The following CATSPERT variants were observed in gnomAD, a reference collection of about 807,000 sequenced individuals.
The protein encoded by CATSPERT is catsper channel auxiliary subunit tau, also known as cation channel sperm-associated targeting subunit tau.
the CATSPERT span, among the ~76,000 whole-genome samples, chr2:201,585,911 AG>A: frequency 6.6e-5 from 10 of 152,238 alleles, no homozygotes; most frequent in East Asian, 1.5e-3. Flanking sequence ...TTTCAATAAA[AG>A]TTAGACCCAA....
the CATSPERT span, among the ~76,000 whole-genome samples, chr2:201,570,422 T>A: frequency 1.3e-5 from 2 of 151,964 alleles, no homozygotes; most frequent in Non-Finnish European, 2.9e-5. Flanking sequence ...CCTACAATGA[T>A]GATGATGGTA....
chr2:201,570,037 C>A, the CATSPERT span, among the ~76,000 whole-genome samples: 2 of 151,942 alleles, frequency 1.3e-5, no homozygotes, highest in Admixed American at 1.3e-4. Context: ...CAAAAATTAG[C>A]CAAACGTGGT....
At chr2:201,560,031 G>A in the CATSPERT span, among the ~76,000 whole-genome samples, 1 of 152,014 alleles carries the variant, frequency 6.6e-6, no homozygotes, top group Non-Finnish European at 1.5e-5. Flanking sequence ...AATTAAATCA[G>A]GAAAACAATT....
At chr2:201,525,892 A>C in the CATSPERT span, among the ~76,000 whole-genome samples, 1 of 152,168 alleles carries the variant, frequency 6.6e-6, no homozygotes, top group African/African-American at 2.4e-5. Flanking sequence ...TCCTGGATAC[A>C]TACAACCTCC....
the CATSPERT span, among the ~76,000 whole-genome samples, chr2:201,538,600 G>A: frequency 6.6e-6 from 1 of 151,904 alleles, no homozygotes; most frequent in Non-Finnish European, 1.5e-5. Flanking sequence ...AGTGATCTTT[G>A]ATGTTACTAT....
chr2:201,595,613 T>C, the CATSPERT span, among the ~76,000 whole-genome samples: 2 of 151,784 alleles, frequency 1.3e-5, no homozygotes, highest in African/African-American at 4.8e-5. Context: ...GGGTCAGGGG[T>C]CAGGGACCCA....
the CATSPERT span, among the ~76,000 whole-genome samples, chr2:201,585,397 T>A: frequency 1.6e-5 from 2 of 124,142 alleles, no homozygotes; most frequent in Admixed American, 8.3e-5. Context: ...AAAAATTCCC[T>A]ACAGAACAAG....
the CATSPERT span, among the ~76,000 whole-genome samples, chr2:201,594,769 A>G: frequency 2.0e-5 from 3 of 152,106 alleles, 1 homozygote; most frequent in Admixed American, 6.5e-5. Context: ...AGTTGATCGC[A>G]TCGGCTCCTG....
chr2:201,548,012 G>T, the CATSPERT span, among the ~76,000 whole-genome samples: 5 of 151,994 alleles, frequency 3.3e-5, no homozygotes, highest in African/African-American at 4.8e-5. Context: ...AGTTTGAGCT[G>T]CTGTAACAGA....
the CATSPERT span, among the ~76,000 whole-genome samples, chr2:201,563,427 C>T: frequency 1.6e-5 from 1 of 61,840 alleles, no homozygotes; most frequent in Admixed American, 2.0e-4. Context: ...CTGACCCCCT[C>T]ACCTCCCTCC....
chr2:201,608,221 C>T, the CATSPERT span, among the ~76,000 whole-genome samples: 3 of 152,190 alleles, frequency 2.0e-5, no homozygotes, highest in East Asian at 5.8e-4. Context: ...AATCATAGCT[C>T]GTTGTAGCCT....
the CATSPERT span, among the ~76,000 whole-genome samples, chr2:201,609,067 A>G: frequency 6.6e-6 from 1 of 152,112 alleles, no homozygotes; most frequent in African/African-American, 2.4e-5. Context: ...AAAGTAAAAA[A>G]CAGTAAAGAG....
At chr2:201,569,661 A>G in the CATSPERT span, among the ~76,000 whole-genome samples, 1 of 152,168 alleles carries the variant, frequency 6.6e-6, no homozygotes, top group Non-Finnish European at 1.5e-5. Flanking sequence ...TCTCATAGTC[A>G]TGGTAAAACG....
chr2:201,568,926 C>A, the CATSPERT span, among the ~76,000 whole-genome samples: 8 of 152,168 alleles, frequency 5.3e-5, no homozygotes, highest in Non-Finnish European at 7.3e-5. Context: ...ACCCACAGAG[C>A]CAACTGTGAG....
the CATSPERT span, among the ~76,000 whole-genome samples, chr2:201,545,253 G>A: frequency 6.6e-6 from 1 of 151,820 alleles, no homozygotes; most frequent in Non-Finnish European, 1.5e-5. Context: ...TGGCCAGGCT[G>A]GTCTTGAACT....
chr2:201,545,546 C>G, the CATSPERT span: 1 of 1,488,634 alleles, frequency 6.7e-7, no homozygotes, highest in Non-Finnish European at 9.0e-7. Context: ...TTCTTACCTA[C>G]TCCTACAATA....
the CATSPERT span, among the ~76,000 whole-genome samples, chr2:201,581,153 C>T: frequency 6.6e-6 from 1 of 151,826 alleles, no homozygotes; most frequent in Non-Finnish European, 1.5e-5. Context: ...GGCCTGTAAT[C>T]CCAACACTTT....
At chr2:201,601,117 A>AGTGCCG in the CATSPERT span, among the ~76,000 whole-genome samples, 1 of 152,138 alleles carries the variant, frequency 6.6e-6, no homozygotes, top group South Asian at 2.1e-4. Context: ...AAACATAGTA[A>AGTGCCG]GTGCCGGTGT....
chr2:201,534,483 G>A, the CATSPERT span: 50 of 983,296 alleles, frequency 5.1e-5, no homozygotes, highest in Non-Finnish European at 5.9e-5. Context: ...GCCCATACAA[G>A]TGGTTAATAT....
Sources: allele counts gnomAD v4.1 joint callset (sites outside exome capture counted in the v4.1 genomes callset), GRCh38; gene constraint gnomAD v4.1.1; transcripts MANE v1.5; gene names NCBI Gene and HGNC (gene_info 2026-07-23, HGNC 2026-07-21).